Variants in THSD7A observed in about 807,000 individuals in gnomAD.
The protein encoded by THSD7A is thrombospondin type-1 domain-containing protein 7A.
THSD7A carries 96 observed loss-of-function variants against 231.3 expected under a neutral mutation model. The ratio of observed to expected loss-of-function variants is 0.41; its 90% confidence interval spans 0.35 to 0.49. The LOEUF is 0.49. THSD7A is among the 20% of genes least tolerant of loss of function. The probability of loss-of-function intolerance (pLI) is 0.05; values close to 1 mark genes in which losing one functional copy is unlikely to be tolerated. For synonymous variants in THSD7A, 940 were observed against 743.3 expected, an observed-to-expected ratio of 1.26 and a Z score of -4.30; for missense variants, 2,290 against 2,070.2, an observed-to-expected ratio of 1.11 and a Z score of -2.06.
At chr7:11,546,695 C>A (rs59859955) in intron 4 of THSD7A, among the ~76,000 whole-genome samples, 78,774 of 151,804 alleles carry the variant, frequency 0.52, 20,597 homozygotes, top group Admixed American at 0.61. Context: ...GCACTAGTTC[C>A]CCAGCACTGG....
At chr7:11,803,867 G>A (rs1784338476) in intron 1 of THSD7A, among the ~76,000 whole-genome samples, 5 of 152,060 alleles carry the variant, frequency 3.3e-5, no homozygotes, top group Admixed American at 3.3e-4. Flanking sequence ...AATCTAATGC[G>A]TAGCCAAGGA....
At chr7:11,449,679 A>G (rs886228235) in intron 11 of THSD7A, among the ~76,000 whole-genome samples, 1 of 152,064 alleles carries the variant, frequency 6.6e-6, no homozygotes, top group Admixed American at 6.6e-5. Context: ...TGTAGGAGAA[A>G]TCCTCGAGAT....
intron 1 of THSD7A, among the ~76,000 whole-genome samples, chr7:11,726,443 T>A (rs184264868): frequency 5.9e-4 from 90 of 152,168 alleles, no homozygotes; most frequent in African/African-American, 2.2e-3. Flanking sequence ...ATGAGCACCA[T>A]CAAAAAATTG....
intron 1 of THSD7A, among the ~76,000 whole-genome samples, chr7:11,712,220 C>T (rs1044823891): frequency 1.1e-4 from 16 of 151,104 alleles, no homozygotes; most frequent in Non-Finnish European, 1.8e-4. Context: ...AATTACAGGT[C>T]CACTGACTAT....
At chr7:11,407,134 A>G (rs1783612431) in intron 20 of THSD7A, 79 bp from the exon 21 acceptor site, 3 of 1,551,712 alleles carry the variant, frequency 1.9e-6, no homozygotes, top group Non-Finnish European at 2.6e-6. Context: ...AGAAGGCATC[A>G]CAGTGATATC....
At chr7:11,769,010 T>C (rs190245002) in intron 1 of THSD7A, among the ~76,000 whole-genome samples, 3,882 of 148,472 alleles carry the variant, frequency 0.026, 177 homozygotes, top group African/African-American at 0.091. Flanking sequence ...CAGGCTGGAG[T>C]GCAATGGTGC....
At chr7:11,667,710 A>C (rs1783199114) in intron 1 of THSD7A, among the ~76,000 whole-genome samples, 1 of 152,210 alleles carries the variant, frequency 6.6e-6, no homozygotes, top group Non-Finnish European at 1.5e-5. Context: ...TAATGCATCT[A>C]TATATAAATG....
At chr7:11,631,759 A>G (rs1781662429) in intron 2 of THSD7A, among the ~76,000 whole-genome samples, 1 of 152,200 alleles carries the variant, frequency 6.6e-6, no homozygotes, top group Non-Finnish European at 1.5e-5. Context: ...CTGATTTCTC[A>G]GAAGGCAGAT....
In THSD7A at chr7:11,505,349, C is replaced by G. The variant is rs186087208; in HGVS notation, c.1823-23367G>C. Among the ~76,000 whole-genome samples the G allele has an allele frequency of 6.0e-3, 918 of 152,128 alleles. 6 individuals carry two copies. Among genetic ancestry groups the G allele is most frequent in the Non-Finnish European group, 1.0e-2 (678 of 67,988 alleles). On this transcript the variant is annotated intron_variant, in intron 6 of 27. Transcript: ENST00000423059. The stretch of plus-strand genomic sequence containing the variant: ...AATATTTGATATGAGAGTCTAATTT[C>G]CTTTTCCTTTTCAACTTAAAATACT...
chr7:11,747,383 G>A (rs1025133475), intron 1 of THSD7A, among the ~76,000 whole-genome samples: 5 of 151,826 alleles, frequency 3.3e-5, no homozygotes, highest in Admixed American at 6.6e-5. Flanking sequence ...ATTCCTCTCC[G>A]TTGAGTGAGT....
intron 1 of THSD7A, among the ~76,000 whole-genome samples, chr7:11,777,162 C>T (rs1014630515): frequency 6.6e-6 from 1 of 152,052 alleles, no homozygotes; most frequent in Non-Finnish European, 1.5e-5. Context: ...TTCTAAAAAG[C>T]CCATTTCCTT....
chr7:11,806,811 A>G (rs1306167613), intron 1 of THSD7A, among the ~76,000 whole-genome samples: 1 of 152,132 alleles, frequency 6.6e-6, no homozygotes, highest in Non-Finnish European at 1.5e-5. Context: ...AGCAAGTGCT[A>G]GCCCCAAGCA....
intron 6 of THSD7A, among the ~76,000 whole-genome samples, chr7:11,530,072 G>C (rs1788638881): frequency 6.6e-6 from 1 of 152,182 alleles, no homozygotes; most frequent in Non-Finnish European, 1.5e-5. Context: ...TGTGAACCTA[G>C]AGTCAGTGCT....
intron 1 of THSD7A, among the ~76,000 whole-genome samples, chr7:11,673,876 G>C (rs1392814895): frequency 6.6e-6 from 1 of 152,030 alleles, no homozygotes; most frequent in Non-Finnish European, 1.5e-5. Flanking sequence ...CCAGGTCAGG[G>C]GAGCATGAGC....
intron 1 of THSD7A, among the ~76,000 whole-genome samples, chr7:11,638,488 T>C (rs1781954232): frequency 6.6e-6 from 1 of 152,188 alleles, no homozygotes; most frequent in Non-Finnish European, 1.5e-5. Flanking sequence ...ATGAGAAAGA[T>C]GTTTAAAGTT....
intron 6 of THSD7A, among the ~76,000 whole-genome samples, chr7:11,510,930 C>T (rs1032753791): frequency 6.6e-6 from 1 of 152,036 alleles, no homozygotes; most frequent in Non-Finnish European, 1.5e-5. Context: ...GAAGTTCTGG[C>T]CAGGGCAATC....
intron 1 of THSD7A, among the ~76,000 whole-genome samples, chr7:11,805,560 C>T (rs995626130): frequency 4.7e-4 from 71 of 152,106 alleles, no homozygotes; most frequent in African/African-American, 1.6e-3. Flanking sequence ...TTCTCTAAAG[C>T]TTCTTAAAAG....
intron 4 of THSD7A, among the ~76,000 whole-genome samples, chr7:11,557,533 C>T (rs1024981814): frequency 4.6e-5 from 7 of 151,990 alleles, no homozygotes; most frequent in African/African-American, 1.7e-4. Flanking sequence ...GATTGAAACC[C>T]AGACATTTTT....
At chr7:11,545,006 G>A (rs773946592) in intron 4 of THSD7A, among the ~76,000 whole-genome samples, 2 of 151,972 alleles carry the variant, frequency 1.3e-5, no homozygotes, top group Non-Finnish European at 2.9e-5. Context: ...GCACACTAAT[G>A]ACATAAAATA....
Sources: allele counts gnomAD v4.1 joint callset (sites outside exome capture counted in the v4.1 genomes callset), GRCh38; gene constraint gnomAD v4.1.1; transcripts MANE v1.5; gene names NCBI Gene and HGNC (gene_info 2026-07-23, HGNC 2026-07-21).